CDK5RAP2: variants seen among roughly 807,000 people sequenced by gnomAD.
CDK5RAP2 encodes the protein CDK5 regulatory subunit associated protein 2.
Under a neutral mutation model 232.9 loss-of-function variants are expected in CDK5RAP2, and 147 were observed. The observed-to-expected ratio is 0.63, with a 90% CI of 0.55 to 0.72. CDK5RAP2 has a LOEUF of 0.72. Among genes scored for constraint, CDK5RAP2 ranks in the 30% least tolerant of loss-of-function variants. CDK5RAP2 has a pLI of 0.00. For missense variants in CDK5RAP2, 2,195 were observed against 2,231.5 expected (o/e 0.98, Z 0.33); for synonymous variants, 833 against 833.7 (o/e 1.00, Z 0.01).
At chr9:120,481,807 C>T (rs1002410048) in intron 14 of CDK5RAP2, among the ~76,000 whole-genome samples, 2 of 152,162 alleles carry the variant, frequency 1.3e-5, no homozygotes, top group Admixed American at 6.5e-5. Context: ...GCCACCGTGC[C>T]GGGCCTGTAT....
intron 3 of CDK5RAP2, among the ~76,000 whole-genome samples, chr9:120,562,667 C>T (rs1488126941): frequency 3.9e-5 from 6 of 151,906 alleles, no homozygotes; most frequent in African/African-American, 1.5e-4. Flanking sequence ...TGCTTGCTTT[C>T]CTGACTCTGG....
At position 120,407,074 on chromosome 9, in the gene CDK5RAP2, G is replaced by T. The variant is rs200305896; in HGVS notation, c.4901C>A (p.Ala1634Asp). The T allele has an allele frequency of 3.7e-6, 6 of 1,614,138 alleles. No individual in the cohort carries two copies. In the African/African-American group the frequency reaches 5.3e-5, roughly 14 times the overall value. ...CACGGCTTGGACAGCCAGAGTGAGGGCTCCTTCCTGTGCCTTCTCTGCCCC... is the reference window on the plus strand; with the variant it reads ...CACGGCTTGGACAGCCAGAGTGAGGTCTCCTTCCTGTGCCTTCTCTGCCCC... ...ARGAEKAQEGALTLAVQAVSI... is the reference protein window; with the variant it reads ...ARGAEKAQEGDLTLAVQAVSI... The change falls in exon 32 of 38, where the codon GCC becomes GAC. Residue 1634 changes from alanine (A) to aspartate (D), a missense_variant. Coordinates refer to ENST00000349780, the MANE Select transcript of CDK5RAP2 (RefSeq NM_018249.6).
At chr9:120,554,566 C>A (rs1376017591) in intron 3 of CDK5RAP2, among the ~76,000 whole-genome samples, 1 of 152,198 alleles carries the variant, frequency 6.6e-6, no homozygotes, top group Non-Finnish European at 1.5e-5. Context: ...TAAAATCAAT[C>A]TCATAGGTTT....
intron 5 of CDK5RAP2, among the ~76,000 whole-genome samples, chr9:120,540,468 C>T (rs1232581458): frequency 6.6e-6 from 1 of 152,174 alleles, no homozygotes; most frequent in East Asian, 1.9e-4. Flanking sequence ...GTCAAGAGGG[C>T]CATACTTGTT....
chr9:120,409,437 T>C, intron 29 of CDK5RAP2, 121 bp from the exon 30 acceptor site: 1 of 800,488 alleles, frequency 1.2e-6, no homozygotes, highest in Non-Finnish European at 2.0e-6. Flanking sequence ...ATTTATGATT[T>C]TGGCATTCCA....
At chr9:120,421,505 C>A (rs1342700932) in intron 26 of CDK5RAP2, among the ~76,000 whole-genome samples, 1 of 152,168 alleles carries the variant, frequency 6.6e-6, no homozygotes, top group Admixed American at 6.5e-5. Context: ...GATGCAAGTG[C>A]CCTTCGTGAT....
rs1038939191 is a variant in CDK5RAP2 at position 120,568,301 on chromosome 9, A to T, written c.195+20T>A. The T allele has an allele frequency of 6.3e-7, 1 of 1,586,182 alleles. No individual in the cohort carries two copies. Among genetic ancestry groups the T allele is most frequent in the Non-Finnish European group, 8.7e-7 (1 of 1,154,462 alleles). On this transcript the variant is annotated intron_variant, in intron 3 of 37. Coordinates refer to ENST00000349780, the MANE Select transcript of CDK5RAP2 (RefSeq NM_018249.6). ...GCAGACACAATTTGTTGGGGGCAGTAATTTGGTATTTCCACTTACATTTTC... is the reference window on the plus strand; with the variant it reads ...GCAGACACAATTTGTTGGGGGCAGTTATTTGGTATTTCCACTTACATTTTC...
intron 36 of CDK5RAP2, among the ~76,000 whole-genome samples, chr9:120,394,221 C>A (rs1213590823): frequency 6.6e-6 from 1 of 152,190 alleles, no homozygotes; most frequent in African/African-American, 2.4e-5. Flanking sequence ...AGAGTGACGG[C>A]CACCCAACTC....
Position 120,545,133 on chromosome 9 carries a change from GA to G in CDK5RAP2, c.383+580del, listed in dbSNP as rs971020141. ...CCTAGGACACTTAACAGATCTTAAA[GA>G]AAAAAAAAAGACATTTACTGTGGCT... On this transcript the variant is annotated intron_variant, in intron 5 of 37. Transcript: ENST00000349780. Among the ~76,000 whole-genome samples the G allele has an allele frequency of 1.1e-4, 16 of 148,068 alleles. No individual in the cohort carries two copies. The Middle Eastern group carries it at 0.014, about 129-fold the overall frequency.
chr9:120,523,652 G>C (rs181045338), intron 11 of CDK5RAP2, among the ~76,000 whole-genome samples: 2 of 152,300 alleles, frequency 1.3e-5, no homozygotes, highest in Admixed American at 1.3e-4. Flanking sequence ...TCTTAAATCA[G>C]ATTTAACTTC....
At chr9:120,459,947 CT>C (rs1257458840) in intron 19 of CDK5RAP2, among the ~76,000 whole-genome samples, 1 of 152,132 alleles carries the variant, frequency 6.6e-6, no homozygotes, top group Non-Finnish European at 1.5e-5. Flanking sequence ...GAGTCTCCTA[CT>C]TATTTTATGA....
intron 4 of CDK5RAP2, among the ~76,000 whole-genome samples, chr9:120,546,986 C>CA (rs1564364728): frequency 1.1e-4 from 4 of 36,106 alleles, no homozygotes; most frequent in South Asian, 9.9e-4. Context: ...TTTGTTTTTT[C>CA]GTTTTTTTTG....
rs752092703 is a variant in CDK5RAP2 at position 120,550,818 on chromosome 9, C to G, written c.280G>C (p.Gly94Arg). ...GTTTTGTAGATATGTTCAGTGGGGC[C>G]ATGAAATTCCTGTTGCATTCTTTCC... ...LEERMQQEFH[G>R]PTEHIYKTNI... Residue 94 changes from glycine (G) to arginine (R), a missense_variant, in exon 4 of 38, where the codon GGC (glycine) becomes CGC (arginine). Gly to Arg is a moderately radical substitution (Grantham distance 125). Coordinates refer to ENST00000349780, the MANE Select transcript of CDK5RAP2 (RefSeq NM_018249.6). The G allele has an allele frequency of 1.4e-5, 23 of 1,610,256 alleles. No individual in the cohort carries two copies. The highest frequency in any genetic ancestry group is 1.9e-5 in the Non-Finnish European group (22 of 1,176,664).
intron 4 of CDK5RAP2, among the ~76,000 whole-genome samples, chr9:120,548,554 C>T (rs541914790): frequency 2.0e-4 from 31 of 152,328 alleles, no homozygotes; most frequent in African/African-American, 7.2e-4. Context: ...ACCTGTAAGT[C>T]CCAACACTTT....
At chr9:120,502,752 C>T (rs1039091965) in intron 12 of CDK5RAP2, among the ~76,000 whole-genome samples, 6 of 152,152 alleles carry the variant, frequency 3.9e-5, no homozygotes, top group East Asian at 3.8e-4. Flanking sequence ...AATTTGTATG[C>T]GTGTACATTT....
At chr9:120,408,823 T>G (rs895703148) in intron 30 of CDK5RAP2, among the ~76,000 whole-genome samples, 1 of 152,260 alleles carries the variant, frequency 6.6e-6, no homozygotes, top group Non-Finnish European at 1.5e-5. Flanking sequence ...CCTGAAATGA[T>G]CTTTCCCAGG....
At chr9:120,481,802 C>T (rs1214548620) in intron 14 of CDK5RAP2, among the ~76,000 whole-genome samples, 4 of 152,150 alleles carry the variant, frequency 2.6e-5, no homozygotes, top group African/African-American at 2.4e-5. Flanking sequence ...CGTGAGCCAC[C>T]GTGCCGGGCC....
intron 12 of CDK5RAP2, among the ~76,000 whole-genome samples, chr9:120,518,157 TAAC>T (rs1432988378): frequency 2.2e-5 from 3 of 135,024 alleles, no homozygotes; most frequent in Non-Finnish European, 4.8e-5. Context: ...TTCAACTCGA[TAAC>T]AACTCTGTGT....
Position 120,411,455 on chromosome 9 carries a change from A to G in CDK5RAP2, c.4317T>C (p.Ala1439=). ...EFVQGSTSIF[A]SGSELHSSLT... The stretch of plus-strand genomic sequence containing the variant: ...GAGAACTATGAAGCTCTGAACCAGA[A>G]GCAAAAATGCTTGTAGAACCTATAA... Residue 1439 remains alanine (A), a synonymous_variant, in exon 29 of 38, where the codon GCT becomes GCC. Transcript: ENST00000349780. 1.9e-6 allele frequency: 3 copies of G among 1,607,940 alleles called. No homozygotes were observed. Among genetic ancestry groups the G allele is most frequent in the Non-Finnish European group, 2.6e-6 (3 of 1,174,610 alleles).
Sources: allele counts gnomAD v4.1 joint callset (sites outside exome capture counted in the v4.1 genomes callset), GRCh38; gene constraint gnomAD v4.1.1; transcripts MANE v1.5; gene names NCBI Gene and HGNC (gene_info 2026-07-23, HGNC 2026-07-21).